Variants in TNNI3K observed in about 807,000 individuals in gnomAD.
TNNI3K encodes the protein TNNI3 interacting kinase.
TNNI3K carries 140 observed loss-of-function variants against 114.5 expected under a neutral mutation model. The observed-to-expected ratio is 1.22, with a 90% CI of 1.07 to 1.41. The LOEUF (loss-of-function observed/expected upper bound fraction) is 1.41. TNNI3K is among the 40% of genes most tolerant of loss of function. TNNI3K has a pLI of 0.00. For missense variants in TNNI3K, 1,125 were observed against 1,007.6 expected (o/e 1.12, Z -1.58); for synonymous variants, 347 against 347.5 (o/e 1.00, Z 0.02).
chr1:74,282,849 C>A (rs979405382), intron 5 of TNNI3K, among the ~76,000 whole-genome samples: 3 of 152,160 alleles, frequency 2.0e-5, no homozygotes, highest in East Asian at 3.9e-4. Context: ...AGAAACAAGT[C>A]CTGTTTCTGT....
At chr1:74,272,791 C>T (rs181634237) in intron 5 of TNNI3K, among the ~76,000 whole-genome samples, 23 of 151,952 alleles carry the variant, frequency 1.5e-4, no homozygotes, top group Non-Finnish European at 3.1e-4. Context: ...TTTTTATTGC[C>T]GCTGCCATTT....
chr1:74,276,505 GA>G (rs1349590942), intron 5 of TNNI3K, among the ~76,000 whole-genome samples: 1 of 152,114 alleles, frequency 6.6e-6, no homozygotes, highest in Non-Finnish European at 1.5e-5. Flanking sequence ...AGTTAGTGCA[GA>G]AAAGTAGAGC....
intron 23 of TNNI3K, among the ~76,000 whole-genome samples, chr1:74,498,151 A>C (rs964086854): frequency 1.2e-4 from 19 of 152,310 alleles, no homozygotes; most frequent in African/African-American, 4.3e-4. Flanking sequence ...GGAGAGGAAA[A>C]CTACAGACAA....
At chr1:74,459,558 A>C (rs1388336050) in intron 20 of TNNI3K, among the ~76,000 whole-genome samples, 1 of 152,238 alleles carries the variant, frequency 6.6e-6, no homozygotes, top group Non-Finnish European at 1.5e-5. Flanking sequence ...AGTGAAAAAA[A>C]CTAGGCATTC....
At chr1:74,482,863 T>C (rs1346813534) in intron 21 of TNNI3K, among the ~76,000 whole-genome samples, 1 of 152,224 alleles carries the variant, frequency 6.6e-6, no homozygotes, top group African/African-American at 2.4e-5. Context: ...GTTTCACTGG[T>C]ACATCACTTA....
At chr1:74,380,810 A>G (rs915787460) in intron 17 of TNNI3K, among the ~76,000 whole-genome samples, 2 of 152,118 alleles carry the variant, frequency 1.3e-5, no homozygotes, top group African/African-American at 4.8e-5. Flanking sequence ...GCCGTGTGGT[A>G]ATCTGTGCAT....
At chr1:74,483,200 G>T in intron 21 of TNNI3K, 1 of 708,928 alleles carries the variant, frequency 1.4e-6, no homozygotes, top group Non-Finnish European at 2.6e-6. Flanking sequence ...ACAATGAAAG[G>T]TATGGCAACC....
intron 17 of TNNI3K, chr1:74,372,526 T>C (rs1421352292): frequency 6.6e-6 from 1 of 151,942 alleles, no homozygotes; most frequent in Non-Finnish European, 1.5e-5. Context: ...AGCTATTAGT[T>C]CTTTACCTTT....
chr1:74,434,664 CTCA>C (rs1666044463), intron 17 of TNNI3K, among the ~76,000 whole-genome samples: 1 of 151,898 alleles, frequency 6.6e-6, no homozygotes, highest in South Asian at 2.1e-4. Flanking sequence ...CAGTCTGATT[CTCA>C]TCATGTGTAT....
chr1:74,483,324 G>A, intron 21 of TNNI3K: 1 of 717,486 alleles, frequency 1.4e-6, no homozygotes, highest in Non-Finnish European at 2.6e-6. Context: ...ACATGACTCA[G>A]GGCAAGCTGC....
chr1:74,241,791 T>A (rs1379524480), intron 2 of TNNI3K, among the ~76,000 whole-genome samples: 1 of 152,044 alleles, frequency 6.6e-6, no homozygotes, highest in Non-Finnish European at 1.5e-5. Context: ...TTAGATCCCA[T>A]TTGTCAATTT....
intron 9 of TNNI3K, among the ~76,000 whole-genome samples, chr1:74,348,809 G>T (rs1296385632): frequency 6.6e-6 from 1 of 152,022 alleles, no homozygotes; most frequent in Non-Finnish European, 1.5e-5. Context: ...TCTGTTATTG[G>T]TGTATAAGAA....
intron 20 of TNNI3K, among the ~76,000 whole-genome samples, chr1:74,449,124 A>G (rs1242645360): frequency 6.7e-6 from 1 of 149,150 alleles, no homozygotes; most frequent in Non-Finnish European, 1.5e-5. Context: ...ACTATTGATT[A>G]TTGCCACAAT....
chr1:74,541,059 A>G (rs560494166), intron 24 of TNNI3K, among the ~76,000 whole-genome samples: 13 of 152,288 alleles, frequency 8.5e-5, no homozygotes, highest in African/African-American at 2.4e-4. Context: ...TTTTAGCACA[A>G]TGGGCCCATT....
chr1:74,238,231 G>A (rs1653978813), intron 2 of TNNI3K, among the ~76,000 whole-genome samples: 1 of 152,034 alleles, frequency 6.6e-6, no homozygotes, highest in Admixed American at 6.6e-5. Flanking sequence ...GAATTTTGGA[G>A]TCATACAAAC....
At chr1:74,461,604 A>C (rs1263547573) in intron 20 of TNNI3K, among the ~76,000 whole-genome samples, 1 of 152,236 alleles carries the variant, frequency 6.6e-6, no homozygotes, top group Non-Finnish European at 1.5e-5. Context: ...AAACAACAAA[A>C]AAAATGAGTG....
intron 17 of TNNI3K, among the ~76,000 whole-genome samples, chr1:74,381,649 C>G (rs1185134846): frequency 1.3e-5 from 2 of 152,058 alleles, no homozygotes; most frequent in African/African-American, 4.8e-5. Context: ...TTACTGCCTT[C>G]ATTAAGACCT....
chr1:74,522,022 C>T (rs1646439987), intron 23 of TNNI3K, among the ~76,000 whole-genome samples: 1 of 152,170 alleles, frequency 6.6e-6, no homozygotes, highest in African/African-American at 2.4e-5. Flanking sequence ...GATATATCAA[C>T]ATCCCTTCCA....
intron 20 of TNNI3K, among the ~76,000 whole-genome samples, chr1:74,460,338 T>C (rs940632345): frequency 3.3e-5 from 5 of 152,192 alleles, no homozygotes; most frequent in Non-Finnish European, 7.3e-5. Flanking sequence ...AGTGCTGGGA[T>C]TACAAGAACA....
Sources: gnomAD v4.1 joint callset for allele counts (sites outside exome capture counted in the v4.1 genomes callset) on GRCh38, gnomAD v4.1.1 for gene constraint, MANE v1.5 for transcripts, NCBI Gene and HGNC (gene_info 2026-07-23, HGNC 2026-07-21) for gene names.